COL18A1: variants seen among roughly 807,000 people sequenced by gnomAD.
COL18A1 encodes the protein collagen type XVIII alpha 1 chain, also known as collagen alpha-1(XVIII) chain.
In COL18A1, 133 loss-of-function variants were observed where a neutral mutation model predicts 168.0. The ratio of observed to expected loss-of-function variants is 0.79; its 90% CI spans 0.69 to 0.91. The LOEUF (loss-of-function observed/expected upper bound fraction) is 0.91, where lower values mean the gene tolerates loss of function less well. Ranked by LOEUF, COL18A1 falls within the 40% of genes least tolerant of loss-of-function variation. The pLI is 0.00. For synonymous variants in COL18A1, 949 were observed against 809.0 expected (o/e 1.17, Z -2.94); for missense variants, 2,126 against 1,925.4 (o/e 1.10, Z -1.95).
At chr21:45,509,331 C>T (rs930401118) in intron 38 of COL18A1, 25 bp from the exon 39 acceptor site, 2 of 1,541,858 alleles carry the variant, frequency 1.3e-6, no homozygotes, top group Non-Finnish European at 1.7e-6. Flanking sequence ...CCCCCGCCGA[C>T]AGGCCCCACG....
At chr21:45,472,426 TG>T (rs1368662388) in intron 3 of COL18A1, among the ~76,000 whole-genome samples, 3 of 152,176 alleles carry the variant, frequency 2.0e-5, no homozygotes. Flanking sequence ...GGTTTCCCCA[TG>T]GTCTCAATCT....
chr21:45,428,656 A>G (rs1377901767), intron 2 of COL18A1, among the ~76,000 whole-genome samples: 1 of 152,074 alleles, frequency 6.6e-6, no homozygotes, highest in East Asian at 1.9e-4. Context: ...CTGCGAGTCC[A>G]CTTTCCACCT....
chr21:45,495,667 T>G, intron 29 of COL18A1: 2 of 529,866 alleles, frequency 3.8e-6, no homozygotes, highest in Non-Finnish European at 7.0e-6. Flanking sequence ...TGTGTGCACA[T>G]ATACACATGC....
chr21:45,455,360 T>G, intron 2 of COL18A1: 1 of 911,306 alleles, frequency 1.1e-6, no homozygotes, highest in Non-Finnish European at 1.6e-6. Flanking sequence ...CTGGGCACCT[T>G]GATTCCAAGG....
chr21:45,467,509 T>C, intron 2 of COL18A1: 2 of 908,514 alleles, frequency 2.2e-6, no homozygotes, highest in Non-Finnish European at 2.6e-6. Context: ...AGCTTGTCCT[T>C]GCCACATGAA....
chr21:45,449,508 G>A (rs768084067), intron 2 of COL18A1, among the ~76,000 whole-genome samples: 1 of 152,104 alleles, frequency 6.6e-6, no homozygotes, highest in Non-Finnish European at 1.5e-5. Context: ...GAGAAGCCTC[G>A]TCGTGGAATC....
intron 36 of COL18A1, 152 bp from the exon 37 acceptor site, chr21:45,505,686 C>T: frequency 4.3e-6 from 3 of 703,680 alleles, no homozygotes; most frequent in Non-Finnish European, 7.4e-6. Flanking sequence ...GGCAGGGGTC[C>T]CCATGGTGCT....
intron 40 of COL18A1, 71 bp downstream of exon 40, chr21:45,510,332 G>A: frequency 6.6e-7 from 1 of 1,505,494 alleles, no homozygotes; most frequent in African/African-American, 1.4e-5. Flanking sequence ...ACTCCCAGCG[G>A]GGAGCTCCCC....
chr21:45,476,519 GGTGT>G, intron 6 of COL18A1, 39 bp downstream of exon 6: 3 of 1,557,158 alleles, frequency 1.9e-6, no homozygotes, highest in Non-Finnish European at 1.7e-6. Flanking sequence ...TGTGGTGTGG[GGTGT>G]GTGTGGTGTG....
chr21:45,460,178 C>T (rs1314019205), intron 2 of COL18A1, among the ~76,000 whole-genome samples: 5 of 152,252 alleles, frequency 3.3e-5, no homozygotes, highest in Non-Finnish European at 5.9e-5. Context: ...AGCATCGCAG[C>T]AGATGCAGGA....
intron 28 of COL18A1, 102 bp from the exon 29 acceptor site, chr21:45,495,256 G>A (rs1380093418): frequency 2.1e-6 from 2 of 970,980 alleles, no homozygotes; most frequent in Admixed American, 2.0e-5. Flanking sequence ...GCTGAGCGTG[G>A]GCCGGCCGGG....
chr21:45,433,697 G>A (rs184218226), intron 2 of COL18A1, among the ~76,000 whole-genome samples: 60 of 152,332 alleles, frequency 3.9e-4, no homozygotes, highest in African/African-American at 1.4e-3. Flanking sequence ...CTGAGCTCTT[G>A]GTCCCATGTG....
Position 45,405,566 on chromosome 21 carries a change from C to T in COL18A1, c.106+93C>T, listed in dbSNP as rs1179572104. ...CCCGCCCGGCTCCCTCACCCCCGCC[C>T]CGGCCGCTCTGGGTTCAGCCCCGGC... On this transcript the variant is annotated intron_variant, in intron 2 of 41. Transcript: ENST00000651438. 3 of 783,260 alleles carry T rather than the reference C, an allele frequency of 3.8e-6. No individual in the cohort carries two copies. The African/African-American group carries it at 5.5e-5, about 14-fold the overall frequency. 48.5% of individuals were successfully genotyped at this position (783,260 alleles called of 1,614,324 possible).
rs1166192761 is a variant in COL18A1 at position 45,484,068 on chromosome 21, T to TCTCCAGCATATGTACACACACACACC, written c.1701+1247_1701+1248insCTCCAGCATATGTACACACACACACC. On this transcript the variant is annotated intron_variant, in intron 15 of 41. Coordinates refer to ENST00000651438, the MANE Select transcript of COL18A1 (RefSeq NM_001379500.1). ...CCAGCATATGTACACACACACACAC[T>TCTCCAGCATATGTACACACACACACC]TCTCCAGCATATGTACACACACACA... is the stretch of plus-strand genomic sequence containing the variant. Among the ~76,000 whole-genome samples the TCTCCAGCATATGTACACACACACACC allele has an allele frequency of 2.6e-4, 10 of 37,992 alleles. 4 individuals carry two copies. The highest frequency in any genetic ancestry group is 9.4e-4 in the African/African-American group (7 of 7,434). 24.9% of individuals were successfully genotyped at this position (37,992 alleles called of 152,430 possible).
At chr21:45,447,462 A>G (rs887933442) in intron 2 of COL18A1, among the ~76,000 whole-genome samples, 2 of 152,198 alleles carry the variant, frequency 1.3e-5, no homozygotes, top group Admixed American at 6.5e-5. Flanking sequence ...AACAGCATCA[A>G]CAAGAACTTA....
At chr21:45,484,718 CAT>C (rs746934841) in intron 15 of COL18A1, among the ~76,000 whole-genome samples, 9 of 152,246 alleles carry the variant, frequency 5.9e-5, no homozygotes, top group African/African-American at 1.7e-4. Flanking sequence ...CATGCACACA[CAT>C]CTCTCTAGCA....
At chr21:45,437,026 A>AGGT (rs939332739) in intron 2 of COL18A1, among the ~76,000 whole-genome samples, 14 of 152,046 alleles carry the variant, frequency 9.2e-5, no homozygotes, top group African/African-American at 2.4e-5. Context: ...TACATAGTGA[A>AGGT]GGTGGGTTCT....
At chr21:45,462,562 G>A (rs916377477) in intron 2 of COL18A1, among the ~76,000 whole-genome samples, 2 of 151,980 alleles carry the variant, frequency 1.3e-5, no homozygotes, top group Non-Finnish European at 2.9e-5. Flanking sequence ...TTCAATTTCA[G>A]CTATTGTACT....
chr21:45,408,896 C>G (rs950718415), intron 2 of COL18A1, among the ~76,000 whole-genome samples: 1 of 152,230 alleles, frequency 6.6e-6, no homozygotes, highest in African/African-American at 2.4e-5. Context: ...GGGGCAACAC[C>G]TGAAACCTCC....
Sources: allele counts gnomAD v4.1 joint callset (sites outside exome capture counted in the v4.1 genomes callset), GRCh38; gene constraint gnomAD v4.1.1; transcripts MANE v1.5; gene names NCBI Gene and HGNC (gene_info 2026-07-23, HGNC 2026-07-21).